Variants in WDHD1 observed in about 807,000 individuals in gnomAD.
WDHD1 encodes WD repeat and HMG-box DNA-binding protein 1.
WDHD1 carries 111 observed loss-of-function variants against 135.4 expected under a neutral mutation model. The ratio of observed to expected loss-of-function variants is 0.82; its 90% CI spans 0.70 to 0.96. The LOEUF (loss-of-function observed/expected upper bound fraction) is 0.96. WDHD1 is among the 40% of genes least tolerant of loss of function. The pLI, the probability that WDHD1 is intolerant of heterozygous loss-of-function variation, is 0.00. For synonymous variants in WDHD1, 434 were observed against 439.0 expected (o/e 0.99, Z 0.14); for missense variants, 1,351 against 1,336.3 (o/e 1.01, Z -0.17).
chr14:54,973,132 G>A (rs1194739525), intron 16 of WDHD1, among the ~76,000 whole-genome samples: 2 of 152,016 alleles, frequency 1.3e-5, no homozygotes, highest in East Asian at 3.9e-4. Flanking sequence ...AAATACCACA[G>A]GCAAATTTCA....
In WDHD1 at chr14:54,962,562, A is replaced by G. The variant is rs893521996; in HGVS notation, c.2648-11T>C. 1 of 1,602,452 alleles carries G rather than the reference A, an allele frequency of 6.2e-7. No homozygotes were observed. The highest frequency in any genetic ancestry group is 1.3e-5 in the African/African-American group (1 of 74,428). On this transcript the variant is annotated splice_polypyrimidine_tract_variant and intron_variant, in intron 20 of 25. Transcript: ENST00000360586. ...AAAACGAGTTCTGTCCTACAGATTA[A>G]AATAAAGCAATATAATGTAAATGGG...
chr14:54,970,025 T>A (rs951619804), intron 16 of WDHD1, among the ~76,000 whole-genome samples: 1 of 152,194 alleles, frequency 6.6e-6, no homozygotes, highest in Non-Finnish European at 1.5e-5. Context: ...ACCTCCAACA[T>A]ACTAGGCATT....
At chr14:55,009,615 A>G (rs552620784) in intron 4 of WDHD1, among the ~76,000 whole-genome samples, 9 of 152,144 alleles carry the variant, frequency 5.9e-5, no homozygotes, top group African/African-American at 2.2e-4. Context: ...TATTTTTAAT[A>G]GAGACGAGGT....
chr14:55,022,061 G>A (rs547149699), intron 2 of WDHD1, among the ~76,000 whole-genome samples: 43 of 152,272 alleles, frequency 2.8e-4, no homozygotes, highest in African/African-American at 1.0e-3. Context: ...CATTGTGTTT[G>A]GGGGCAAGTA....
intron 21 of WDHD1, among the ~76,000 whole-genome samples, chr14:54,960,453 C>T (rs2041232995): frequency 6.6e-6 from 1 of 151,988 alleles, no homozygotes; most frequent in Non-Finnish European, 1.5e-5. Flanking sequence ...CAGGTGTGAG[C>T]CACCACGCCC....
intron 13 of WDHD1, among the ~76,000 whole-genome samples, chr14:54,988,496 T>C (rs541692677): frequency 6.6e-6 from 1 of 152,310 alleles, no homozygotes; most frequent in East Asian, 1.9e-4. Context: ...TATCTGTGTA[T>C]ATACACCTTT....
intron 5 of WDHD1, 27 bp from the exon 6 acceptor site, chr14:55,008,393 T>C: frequency 6.2e-7 from 1 of 1,610,078 alleles, no homozygotes; most frequent in Non-Finnish European, 8.5e-7. Context: ...TACATTTCTC[T>C]ATAGTCATAG....
At chr14:54,980,818 A>C (rs1465753184) in intron 16 of WDHD1, among the ~76,000 whole-genome samples, 2 of 149,526 alleles carry the variant, frequency 1.3e-5, no homozygotes, top group South Asian at 2.1e-4. Flanking sequence ...AAAAAAAAAA[A>C]AAAAAAACTC....
chr14:55,007,655 C>G (rs186072000), intron 6 of WDHD1, among the ~76,000 whole-genome samples: 1 of 152,092 alleles, frequency 6.6e-6, no homozygotes, highest in African/African-American at 2.4e-5. Flanking sequence ...AACCCCAATA[C>G]GTGAAATTCT....
Position 55,027,032 on chromosome 14 carries a change from G to C in WDHD1, c.-21C>G, listed in dbSNP as rs543802108. The stretch of plus-strand genomic sequence containing the variant: ...GCAGCCGGAGTGGGGACTCACCCGG[G>C]TGACCGAGCCTCCGCCACTGAGGAT... On this transcript the variant is annotated 5_prime_UTR_variant, in exon 1 of 26. Transcript: ENST00000360586. 9.9e-6 allele frequency: 5 copies of C among 503,048 alleles called. No individual in the cohort carries two copies. Among genetic ancestry groups the C allele is most frequent in the Non-Finnish European group, 1.8e-5 (5 of 277,664 alleles). The allele number at this position is 503,048 out of a possible 1,614,324, so 31.2% of individuals were successfully genotyped here.
At chr14:54,951,308 A>G (rs2041048584) in intron 24 of WDHD1, among the ~76,000 whole-genome samples, 1 of 152,098 alleles carries the variant, frequency 6.6e-6, no homozygotes, top group Non-Finnish European at 1.5e-5. Flanking sequence ...AAAAATGATA[A>G]AGGGGATATC....
At chr14:54,965,626 T>C (rs2140171217) in intron 18 of WDHD1, among the ~76,000 whole-genome samples, 1 of 152,314 alleles carries the variant, frequency 6.6e-6, no homozygotes, top group South Asian at 2.1e-4. Flanking sequence ...TAGAGATGTT[T>C]ATTCCTGCAC....
chr14:55,023,806 A>G (rs2042388489), intron 2 of WDHD1, among the ~76,000 whole-genome samples: 1 of 152,248 alleles, frequency 6.6e-6, no homozygotes, highest in Admixed American at 6.5e-5. Context: ...TTACAGTAAT[A>G]CAGTATATAC....
intron 11 of WDHD1, among the ~76,000 whole-genome samples, chr14:54,992,785 G>C (rs1339918692): frequency 6.6e-6 from 1 of 152,124 alleles, no homozygotes; most frequent in Non-Finnish European, 1.5e-5. Flanking sequence ...ATGGTGGCAT[G>C]CATCTGTAGT....
chr14:54,949,361 G>C (rs2040997382), intron 24 of WDHD1, among the ~76,000 whole-genome samples: 1 of 152,280 alleles, frequency 6.6e-6, no homozygotes, highest in African/African-American at 2.4e-5. Context: ...GAATGCACAA[G>C]CCTCAGTAGC....
intron 24 of WDHD1, among the ~76,000 whole-genome samples, chr14:54,950,263 G>A (rs1165511853): frequency 6.6e-6 from 1 of 152,132 alleles, no homozygotes; most frequent in East Asian, 1.9e-4. Context: ...CATGTGCAGA[G>A]ACACACATAA....
intron 24 of WDHD1, among the ~76,000 whole-genome samples, chr14:54,949,291 G>A (rs999080327): frequency 6.6e-6 from 1 of 152,168 alleles, no homozygotes; most frequent in Non-Finnish European, 1.5e-5. Flanking sequence ...AATAACCAGT[G>A]TAGAGAACTC....
chr14:54,953,242 A>C (rs542899260), intron 24 of WDHD1, among the ~76,000 whole-genome samples: 43 of 152,384 alleles, frequency 2.8e-4, no homozygotes, highest in African/African-American at 1.0e-3. Context: ...AAGGGCTAAT[A>C]TCCAGAATCT....
chr14:54,963,015 A>G lies in WDHD1; in HGVS notation c.2468T>C (p.Leu823Ser). 2 of 1,613,858 alleles carry G rather than the reference A, an allele frequency of 1.2e-6. No individual in the cohort carries two copies. The highest frequency in any genetic ancestry group is 2.2e-5 in the East Asian group (1 of 44,846). The change falls in exon 19 of 26, where the codon TTG (leucine) becomes TCG (serine). Residue 823 changes from leucine (L) to serine (S), a missense_variant. Leu to Ser is a moderately radical substitution (Grantham distance 145, BLOSUM62 -2). This residue lies in a region of WDHD1 where 1,330 missense variants were observed against 1,296.1 expected (regional missense o/e 1.03). Transcript: ENST00000360586. ...SELAVEKAAE[L>S]TATQVEEEEE... is the part of the protein sequence containing the mutation. ...TTCCTCTTCCACCTGGGTTGCTGTC[A>G]ATTCGGCTGCCTTCTCTACAGCCAG...
Sources: allele counts gnomAD v4.1 joint callset (sites outside exome capture counted in the v4.1 genomes callset), GRCh38; gene constraint gnomAD v4.1.1; regional missense constraint gnomAD v4.1.1; transcripts MANE v1.5; gene names NCBI Gene and HGNC (gene_info 2026-07-23, HGNC 2026-07-21).